The following NAA50 variants were observed in gnomAD, a reference collection of about 807,000 sequenced individuals.
NAA50 encodes the protein N-alpha-acetyltransferase 50, NatE catalytic subunit, also known as N-alpha-acetyltransferase 50.
A neutral mutation model predicts 20.7 loss-of-function variants in NAA50; 7 were observed. The ratio of observed to expected loss-of-function variants is 0.34; its 90% confidence interval spans 0.19 to 0.63. The LOEUF (loss-of-function observed/expected upper bound fraction) is 0.63. Ranked by LOEUF, NAA50 falls within the 30% of genes least tolerant of loss-of-function variation. The pLI, the probability that NAA50 is intolerant of heterozygous loss-of-function variation, is 0.75. For missense variants in NAA50, 111 were observed against 199.1 expected, an observed-to-expected ratio of 0.56 and a Z score of 2.66; for synonymous variants, 54 against 70.6, an observed-to-expected ratio of 0.77 and a Z score of 1.18.
At chr3:113,744,818 C>T (rs1577074959) in intron 1 of NAA50, among the ~76,000 whole-genome samples, 1 of 152,230 alleles carries the variant, frequency 6.6e-6, no homozygotes, top group East Asian at 1.9e-4. Context: ...GGAATCTCTT[C>T]AGGAACCTCA....
chr3:113,723,375 A>G lies in NAA50; in HGVS notation c.265+47T>C, dbSNP rs528044473. On this transcript the variant is annotated intron_variant, in intron 3 of 4. Coordinates refer to ENST00000240922, the MANE Select transcript of NAA50 (RefSeq NM_025146.4). ...ACTAGGTCAGACACATTAACAAATA[A>G]TATGTTTATGCTTCTCTGAAGAAGT... The G allele has an allele frequency of 2.3e-5, 36 of 1,549,898 alleles. No homozygotes were observed. In the South Asian group the frequency reaches 4.0e-4, roughly 17 times the overall value.
intron 1 of NAA50, among the ~76,000 whole-genome samples, chr3:113,727,532 A>C (rs1708214236): frequency 6.6e-6 from 1 of 152,160 alleles, no homozygotes; most frequent in South Asian, 2.1e-4. Flanking sequence ...AAAAGTTTCC[A>C]TTAGGGTGGC....
chr3:113,724,207 C>T (rs1708172910), intron 1 of NAA50, 112 bp from the exon 2 acceptor site: 7 of 1,163,962 alleles, frequency 6.0e-6, no homozygotes, highest in Non-Finnish European at 7.9e-6. Context: ...CCAACTCTTT[C>T]AGAGTTGATT....
rs1043219377 is a variant in NAA50, at chr3:113,718,611, C to T, written c.*3149G>A. On this transcript the variant is annotated 3_prime_UTR_variant, in exon 5 of 5. Transcript: ENST00000240922. ...CCCAACTCATTGAACTACCGTACTC[C>T]TTCCTTACAAGGAAGAAAAACAAAA... 2.0e-5 allele frequency: 3 copies of T among 152,188 alleles called. No homozygotes were observed. Among genetic ancestry groups the T allele is most frequent in the African/African-American group, 7.2e-5 (3 of 41,448 alleles). 9.4% of individuals were successfully genotyped at this position (152,188 alleles called of 1,614,324 possible). A position where few individuals can be genotyped will look rare whatever the true frequency, so the allele number is the denominator to read the frequency against.
Position 113,737,734 on chromosome 3 carries a change from T to C in NAA50, c.8+8208A>G, listed in dbSNP as rs548590163. Among the ~76,000 whole-genome samples the C allele has an allele frequency of 1.1e-4, 17 of 152,320 alleles. 2 individuals are homozygous for C. Among genetic ancestry groups the C allele is most frequent in the African/African-American group, 4.1e-4 (17 of 41,552 alleles). On this transcript the variant is annotated intron_variant, in intron 1 of 4. Transcript: ENST00000240922. ...TATTCTTTGTTGTAAAGGGCCTTTC[T>C]GGTACACTGCAGAATACTCAGCAGC... is the stretch of plus-strand genomic sequence containing the variant.
intron 1 of NAA50, among the ~76,000 whole-genome samples, chr3:113,736,325 C>T (rs1379901922): frequency 1.3e-5 from 2 of 152,082 alleles, no homozygotes; most frequent in East Asian, 3.9e-4. Flanking sequence ...AATAAGAAAC[C>T]GCTACTGCCA....
At chr3:113,738,930 C>T (rs1708378351) in intron 1 of NAA50, among the ~76,000 whole-genome samples, 1 of 152,138 alleles carries the variant, frequency 6.6e-6, no homozygotes, top group African/African-American at 2.4e-5. Flanking sequence ...TGTCTCACCC[C>T]TACTCTCTAA....
At chr3:113,736,808 C>T (rs1708349028) in intron 1 of NAA50, among the ~76,000 whole-genome samples, 1 of 152,162 alleles carries the variant, frequency 6.6e-6, no homozygotes, top group Non-Finnish European at 1.5e-5. Flanking sequence ...ACAGGCACCA[C>T]ATCACCACAC....
intron 4 of NAA50, among the ~76,000 whole-genome samples, chr3:113,722,320 T>C (rs1708145482): frequency 6.6e-6 from 1 of 152,124 alleles, no homozygotes; most frequent in African/African-American, 2.4e-5. Context: ...TTCCTTCTGA[T>C]TGATAAAATA....
Position 113,746,242 on chromosome 3 carries a change from G to A in NAA50, c.-293C>T, listed in dbSNP as rs1267840406. 5 of 411,136 alleles carry A rather than the reference G, an allele frequency of 1.2e-5. No homozygotes were observed. The Admixed American group carries it at 1.5e-4, about 12-fold the overall frequency. 25.5% of individuals were successfully genotyped at this position (411,136 alleles called of 1,614,324 possible). A position where few individuals can be genotyped will look rare whatever the true frequency, so the allele number is the denominator to read the frequency against. On this transcript the variant is annotated 5_prime_UTR_variant, in exon 1 of 5. Coordinates refer to ENST00000240922, the MANE Select transcript of NAA50 (RefSeq NM_025146.4). ...CCAGCCAGACCCGCTGCCGCGCTGT[G>A]ACCTTTCACCCCGCCCCTCGCGCGC...
chr3:113,735,721 A>C (rs1708332529), intron 1 of NAA50, among the ~76,000 whole-genome samples: 3 of 152,198 alleles, frequency 2.0e-5, no homozygotes, highest in Non-Finnish European at 1.5e-5. Flanking sequence ...TCTCCCTCAG[A>C]AGCTCAGGCT....
At chr3:113,735,825 G>A (rs1708333806) in intron 1 of NAA50, among the ~76,000 whole-genome samples, 3 of 152,092 alleles carry the variant, frequency 2.0e-5, no homozygotes, top group Admixed American at 2.0e-4. Context: ...CTGGGACTAC[G>A]GTGCCCGCCA....
intron 1 of NAA50, among the ~76,000 whole-genome samples, chr3:113,736,525 G>A (rs1315993852): frequency 6.6e-6 from 1 of 152,194 alleles, no homozygotes; most frequent in Non-Finnish European, 1.5e-5. Flanking sequence ...AGTGTGATGA[G>A]TTAATGCACA....
intron 4 of NAA50, 85 bp downstream of exon 4, chr3:113,722,821 G>A (rs1279651773): frequency 2.8e-6 from 4 of 1,408,800 alleles, no homozygotes; most frequent in Non-Finnish European, 2.8e-6. Flanking sequence ...GGCACAATAA[G>A]TGACCAGATT....
chr3:113,741,425 G>A (rs1462093203), intron 1 of NAA50, among the ~76,000 whole-genome samples: 1 of 152,198 alleles, frequency 6.6e-6, no homozygotes, highest in African/African-American at 2.4e-5. Context: ...GGAAGAATGT[G>A]TCTACTGGTT....
At chr3:113,741,988 ATT>A (rs1001641935) in intron 1 of NAA50, among the ~76,000 whole-genome samples, 3 of 152,120 alleles carry the variant, frequency 2.0e-5, no homozygotes, top group African/African-American at 7.2e-5. Context: ...CTTCCCTTTT[ATT>A]TTTCTTTTAT....
intron 1 of NAA50, 37 bp downstream of exon 1, chr3:113,745,905 C>A (rs1708490788): frequency 1.2e-6 from 2 of 1,600,892 alleles, no homozygotes; most frequent in Non-Finnish European, 1.7e-6. Context: ...ACCCTTCTAC[C>A]CCACCGGCCG....
chr3:113,729,219 C>G (rs1708239508), intron 1 of NAA50, among the ~76,000 whole-genome samples: 1 of 152,172 alleles, frequency 6.6e-6, no homozygotes, highest in Non-Finnish European at 1.5e-5. Context: ...ATTATGGCCT[C>G]AAGTGATAGG....
At position 113,737,352 on chromosome 3, in the gene NAA50, T is replaced by C. The variant is rs530128362; in HGVS notation, c.8+8590A>G. On this transcript the variant is annotated intron_variant, in intron 1 of 4. Transcript: ENST00000240922. ...CAGTAATGTTTCTAAACTCTTACCCTGTAGTAAATTACATGAAAGAGTGAT... is the reference window on the plus strand; with the variant it reads ...CAGTAATGTTTCTAAACTCTTACCCCGTAGTAAATTACATGAAAGAGTGAT... Among the ~76,000 whole-genome samples the C allele has an allele frequency of 2.6e-5, 4 of 152,358 alleles. No individual in the cohort carries two copies. The South Asian group carries it at 8.3e-4, about 32-fold the overall frequency.
Sources: gnomAD v4.1 joint callset for allele counts (sites outside exome capture counted in the v4.1 genomes callset) on GRCh38, gnomAD v4.1.1 for gene constraint, MANE v1.5 for transcripts, NCBI Gene and HGNC (gene_info 2026-07-23, HGNC 2026-07-21) for gene names.